Variants in HSD17B12 observed in about 807,000 individuals in gnomAD.
HSD17B12 encodes the protein hydroxysteroid 17-beta dehydrogenase 12.
A neutral mutation model predicts 39.3 loss-of-function variants in HSD17B12; 32 were observed. The ratio of observed to expected loss-of-function variants is 0.81; its 90% CI spans 0.61 to 1.09. The LOEUF is 1.09. Ranked by LOEUF, HSD17B12 falls within the 50% of genes least tolerant of loss-of-function variation. The probability of loss-of-function intolerance (pLI) is 0.00; values close to 1 mark genes in which losing one functional copy is unlikely to be tolerated. For missense variants in HSD17B12, 342 were observed against 382.9 expected (o/e 0.89, Z 0.89); for synonymous variants, 150 against 146.7 (o/e 1.02, Z -0.16).
chr11:43,761,425 T>C (rs895546148), intron 3 of HSD17B12, among the ~76,000 whole-genome samples: 3 of 152,268 alleles, frequency 2.0e-5, no homozygotes, highest in Non-Finnish European at 4.4e-5. Flanking sequence ...TAAATTTATC[T>C]AATGATTTAC....
the HSD17B12 span, among the ~76,000 whole-genome samples, chr11:43,611,088 T>C: frequency 1.3e-5 from 2 of 152,240 alleles, no homozygotes; most frequent in Non-Finnish European, 2.9e-5. Context: ...ATTTGGTATA[T>C]AGTATGTCAA....
At chr11:43,627,617 G>T in the HSD17B12 span, among the ~76,000 whole-genome samples, 1 of 151,700 alleles carries the variant, frequency 6.6e-6, no homozygotes, top group African/African-American at 2.4e-5. Context: ...AAATGGTATT[G>T]CTTTCTTTAG....
chr11:43,625,440 A>C, the HSD17B12 span, among the ~76,000 whole-genome samples: 1 of 151,536 alleles, frequency 6.6e-6, no homozygotes. Flanking sequence ...ACAATAGATA[A>C]TTCTGACATA....
intron 1 of HSD17B12, chr11:43,734,039 C>T (rs1950293644): frequency 2.6e-6 from 2 of 778,176 alleles, no homozygotes; most frequent in South Asian, 2.8e-5. Context: ...GGCGGATCCT[C>T]TTCCGGCCTA....
chr11:43,587,528 T>G, the HSD17B12 span, among the ~76,000 whole-genome samples: 8 of 152,240 alleles, frequency 5.3e-5, no homozygotes, highest in Admixed American at 5.2e-4. Flanking sequence ...TATTGTGATT[T>G]TGGTCCTCCA....
At chr11:43,772,704 T>C (rs1950660982) in intron 3 of HSD17B12, among the ~76,000 whole-genome samples, 1 of 152,224 alleles carries the variant, frequency 6.6e-6, no homozygotes, top group African/African-American at 2.4e-5. Flanking sequence ...ATGGGAATGG[T>C]TACTTTTTCT....
the HSD17B12 span, chr11:43,556,963 TA>T: frequency 6.6e-6 from 1 of 151,450 alleles, no homozygotes. Context: ...CTCGCCAAGG[TA>T]GGTTATACCA....
At chr11:43,590,506 A>ATTTTTTTTTTTTT in the HSD17B12 span, among the ~76,000 whole-genome samples, 116 of 51,610 alleles carry the variant, frequency 2.2e-3, 19 homozygotes, top group African/African-American at 4.1e-3. Context: ...GGAGTGAGTG[A>ATTTTTTTTTTTTT]TTTTTTTTTT....
chr11:43,801,626 ATATATG>A, intron 4 of HSD17B12, among the ~76,000 whole-genome samples: 5 of 19,476 alleles, frequency 2.6e-4, no homozygotes, highest in Non-Finnish European at 6.1e-4. Flanking sequence ...ATATATATAT[ATATATG>A]TATATGTATG....
chr11:43,583,232 A>G, the HSD17B12 span, among the ~76,000 whole-genome samples: 1 of 152,080 alleles, frequency 6.6e-6, no homozygotes, highest in Non-Finnish European at 1.5e-5. Flanking sequence ...GGTTATTGCG[A>G]CCCTAGCCCC....
chr11:43,809,118 T>C (rs1951045764), intron 4 of HSD17B12, among the ~76,000 whole-genome samples: 1 of 152,180 alleles, frequency 6.6e-6, no homozygotes, highest in Non-Finnish European at 1.5e-5. Context: ...GTAATAAAAG[T>C]AGGGTACTTT....
chr11:43,705,135 A>G (rs745511721), intron 1 of HSD17B12, among the ~76,000 whole-genome samples: 1 of 152,240 alleles, frequency 6.6e-6, no homozygotes, highest in Non-Finnish European at 1.5e-5. Context: ...TTGAATACAG[A>G]CATGGATGAA....
chr11:43,592,300 G>T, the HSD17B12 span, among the ~76,000 whole-genome samples: 67 of 151,670 alleles, frequency 4.4e-4, no homozygotes, highest in African/African-American at 1.5e-3. Context: ...TTGTGTGTGT[G>T]TTTTTTTAAT....
intron 1 of HSD17B12, among the ~76,000 whole-genome samples, chr11:43,682,421 CG>C (rs1286173141): frequency 1.3e-5 from 2 of 151,970 alleles, no homozygotes; most frequent in African/African-American, 4.8e-5. Context: ...CGTGGTGGCG[CG>C]CCCCTGTAGT....
the HSD17B12 span, chr11:43,584,523 C>G: frequency 6.6e-6 from 1 of 152,384 alleles, no homozygotes; most frequent in African/African-American, 2.4e-5. Flanking sequence ...CCTTCTGAGA[C>G]AGCAGAGTAA....
intron 1 of HSD17B12, among the ~76,000 whole-genome samples, chr11:43,721,772 C>T (rs1430500374): frequency 6.6e-6 from 1 of 152,048 alleles, no homozygotes; most frequent in African/African-American, 2.4e-5. Context: ...CATGAAATAT[C>T]CTGTAGGACA....
At chr11:43,741,739 T>C (rs1320281530) in intron 1 of HSD17B12, among the ~76,000 whole-genome samples, 1 of 149,134 alleles carries the variant, frequency 6.7e-6, no homozygotes, top group Non-Finnish European at 1.5e-5. Context: ...TTTTTCTTTT[T>C]TTTTTTTTTT....
intron 1 of HSD17B12, among the ~76,000 whole-genome samples, chr11:43,723,118 G>A (rs947385249): frequency 6.6e-6 from 1 of 152,116 alleles, no homozygotes; most frequent in Admixed American, 6.5e-5. Flanking sequence ...ATTAAAAAAA[G>A]GTGGCATGTT....
intron 1 of HSD17B12, among the ~76,000 whole-genome samples, chr11:43,709,738 C>G (rs934713978): frequency 2.0e-5 from 3 of 152,120 alleles, no homozygotes; most frequent in African/African-American, 7.2e-5. Context: ...CTTGTATATT[C>G]AAATCATTCA....
Sources: allele counts gnomAD v4.1 joint callset (sites outside exome capture counted in the v4.1 genomes callset), GRCh38; gene constraint gnomAD v4.1.1; transcripts MANE v1.5; gene names NCBI Gene and HGNC (gene_info 2026-07-23, HGNC 2026-07-21).